EML6: variants seen among roughly 807,000 people sequenced by gnomAD.
EML6 encodes EMAP like 6, also known as echinoderm microtubule-associated protein-like 6.
In EML6, 154 loss-of-function variants were observed where a neutral mutation model predicts 240.1. That is an observed-to-expected ratio of 0.64 (90% CI 0.56 to 0.73). The LOEUF is 0.73. Ranked by LOEUF, EML6 falls within the 30% of genes least tolerant of loss-of-function variation. EML6 has a pLI of 0.00. For synonymous variants in EML6, 1,148 were observed against 899.0 expected, an observed-to-expected ratio of 1.28 and a Z score of -4.95; for missense variants, 2,964 against 2,474.6, an observed-to-expected ratio of 1.20 and a Z score of -4.20.
chr2:54,754,766 T>C (rs537972691), intron 2 of EML6, among the ~76,000 whole-genome samples: 18 of 152,308 alleles, frequency 1.2e-4, no homozygotes, highest in Admixed American at 2.0e-4. Flanking sequence ...TTCAGGGTTA[T>C]GTAAAGATTT....
chr2:54,861,658 T>C (rs532690741), intron 12 of EML6, among the ~76,000 whole-genome samples: 17 of 151,888 alleles, frequency 1.1e-4, no homozygotes, highest in Admixed American at 2.0e-4. Context: ...AAACAGACAA[T>C]AGTCTGGACA....
At chr2:54,845,264 T>C (rs1558604394) in intron 8 of EML6, among the ~76,000 whole-genome samples, 1 of 152,234 alleles carries the variant, frequency 6.6e-6, no homozygotes, top group Non-Finnish European at 1.5e-5. Context: ...CATAAATGGT[T>C]ATTTGGTTTA....
intron 28 of EML6, among the ~76,000 whole-genome samples, chr2:54,945,901 G>A (rs911827684): frequency 2.0e-5 from 3 of 152,198 alleles, no homozygotes; most frequent in African/African-American, 7.2e-5. Context: ...CCATGATCCT[G>A]CCCTGCCCAC....
At chr2:54,789,448 A>G (rs1365344492) in intron 2 of EML6, among the ~76,000 whole-genome samples, 1 of 130,108 alleles carries the variant, frequency 7.7e-6, no homozygotes, top group Non-Finnish European at 1.6e-5. Context: ...CGGGAGGCGG[A>G]GCTTGCAGTG....
chr2:54,736,136 A>T (rs955029123), intron 2 of EML6, among the ~76,000 whole-genome samples: 4 of 152,208 alleles, frequency 2.6e-5, no homozygotes, highest in African/African-American at 9.7e-5. Context: ...ATGAAGCTGG[A>T]ATAAGTGGGC....
At chr2:54,879,353 G>A (rs1671696201) in intron 16 of EML6, among the ~76,000 whole-genome samples, 194 bp from the exon 17 acceptor site, 2 of 152,244 alleles carry the variant, frequency 1.3e-5, no homozygotes, top group South Asian at 4.1e-4. Flanking sequence ...AAATATAATT[G>A]TACATGTTTA....
chr2:54,919,761 C>T (rs554236527), intron 26 of EML6, among the ~76,000 whole-genome samples: 1 of 152,190 alleles, frequency 6.6e-6, no homozygotes, highest in Admixed American at 6.5e-5. Flanking sequence ...GCTAGTACTT[C>T]CCCTACCTGA....
intron 2 of EML6, among the ~76,000 whole-genome samples, chr2:54,801,222 G>C (rs1334096576): frequency 6.6e-6 from 1 of 151,860 alleles, no homozygotes; most frequent in Non-Finnish European, 1.5e-5. Context: ...CGGGAGGCTG[G>C]GGCAGGAGAG....
chr2:54,772,251 A>C (rs1668432229), intron 2 of EML6, among the ~76,000 whole-genome samples: 1 of 152,230 alleles, frequency 6.6e-6, no homozygotes, highest in South Asian at 2.1e-4. Context: ...TAATAGGAGA[A>C]AGTGTTACAT....
In EML6 at chr2:54,891,096, C is replaced by G. The variant is rs539383416; in HGVS notation, c.2481C>G (p.His827Gln). ...DKIFVVKCNP[H>Q]HVDKLVTVGI... ...TATTTGTGGTAAAGTGTAACCCACACCATGTTGACAAACTGGTTACAGTTG... is the reference window on the plus strand; with the variant it reads ...TATTTGTGGTAAAGTGTAACCCACAGCATGTTGACAAACTGGTTACAGTTG... The change falls in exon 18 of 42, where the codon CAC becomes CAG. Residue 827 changes from histidine to glutamine, a missense_variant. Coordinates refer to ENST00000356458, the MANE Select transcript of EML6 (RefSeq NM_001039753.4). The G allele has an allele frequency of 9.3e-6, 14 of 1,510,224 alleles. No homozygotes were observed. The highest frequency in any genetic ancestry group is 1.3e-5 in the Non-Finnish European group (14 of 1,115,642). The allele number at this position is 1,510,224 out of a possible 1,614,324, so 93.6% of individuals were successfully genotyped here.
chr2:54,925,367 C>A (rs991688386), intron 26 of EML6, among the ~76,000 whole-genome samples: 16 of 152,176 alleles, frequency 1.1e-4, no homozygotes, highest in African/African-American at 3.6e-4. Flanking sequence ...TTTGTTATGG[C>A]AACCCAAGCA....
chr2:54,846,458 T>C (rs1241908448), intron 8 of EML6, among the ~76,000 whole-genome samples: 2 of 149,298 alleles, frequency 1.3e-5, no homozygotes, highest in South Asian at 2.1e-4. Context: ...TATATTTATA[T>C]TGAGAAAGAG....
chr2:54,730,075 G>C (rs1467334451), intron 2 of EML6, among the ~76,000 whole-genome samples: 1 of 152,102 alleles, frequency 6.6e-6, no homozygotes. Flanking sequence ...GGCAGAGGTT[G>C]CAGTAAGCCC....
At chr2:54,852,234 A>G (rs1353135016) in intron 10 of EML6, among the ~76,000 whole-genome samples, 5 of 152,240 alleles carry the variant, frequency 3.3e-5, no homozygotes, top group Non-Finnish European at 5.9e-5. Context: ...TAAGAGATTC[A>G]TCTGACTTAC....
chr2:54,879,833 C>G (rs890251324), intron 17 of EML6, 193 bp downstream of exon 17: 38 of 563,150 alleles, frequency 6.7e-5, no homozygotes, highest in African/African-American at 6.1e-4. Flanking sequence ...ATGTTTGTTG[C>G]GGTGAATCAG....
At chr2:54,930,066 ACC>A (rs1674771999) in intron 28 of EML6, among the ~76,000 whole-genome samples, 2 of 152,092 alleles carry the variant, frequency 1.3e-5, no homozygotes, top group East Asian at 3.9e-4. Flanking sequence ...AAAATGTTTC[ACC>A]TGAAGTATTC....
intron 2 of EML6, among the ~76,000 whole-genome samples, chr2:54,739,233 C>T (rs1683529023): frequency 6.6e-6 from 1 of 152,038 alleles, no homozygotes; most frequent in Admixed American, 6.6e-5. Context: ...TTTAGTAGTT[C>T]TTATAATTAC....
At chr2:54,953,846 C>A in intron 31 of EML6, 137 bp from the exon 32 acceptor site, 1 of 666,026 alleles carries the variant, frequency 1.5e-6, no homozygotes, top group Non-Finnish European at 2.5e-6. Context: ...GAGCTGGTGC[C>A]ACTGCACTCT....
At chr2:54,815,162 C>A (rs988727999) in intron 3 of EML6, among the ~76,000 whole-genome samples, 11 of 152,132 alleles carry the variant, frequency 7.2e-5, no homozygotes, top group Non-Finnish European at 1.3e-4. Flanking sequence ...GCTTTAACTT[C>A]ATTTTTGTCC....
Sources: allele counts gnomAD v4.1 joint callset (sites outside exome capture counted in the v4.1 genomes callset), GRCh38; gene constraint gnomAD v4.1.1; transcripts MANE v1.5; gene names NCBI Gene and HGNC (gene_info 2026-07-23, HGNC 2026-07-21).